The following GET4 variants were observed in gnomAD, a reference collection of about 807,000 sequenced individuals.
GET4 encodes Golgi to ER traffic protein 4 homolog.
Under a neutral mutation model 40.0 loss-of-function variants are expected in GET4, and 20 were observed. The observed-to-expected ratio is 0.50, with a 90% CI of 0.35 to 0.73. The LOEUF is 0.73. Among genes scored for constraint, GET4 ranks in the 30% least tolerant of loss-of-function variants. The probability of loss-of-function intolerance (pLI) is 0.01; values close to 1 mark genes in which losing one functional copy is unlikely to be tolerated. For missense variants in GET4, 557 were observed against 454.0 expected (o/e 1.23, Z -2.06); for synonymous variants, 280 against 194.6 (o/e 1.44, Z -3.65).
At chr7:894,042 C>T (rs1583102720) in intron 8 of GET4, 71 bp downstream of exon 8, 5 of 983,028 alleles carry the variant, frequency 5.1e-6, no homozygotes, top group Non-Finnish European at 7.5e-6. Context: ...TCTGCCCAGG[C>T]AGGTCCAGTG....
intron 4 of GET4, among the ~76,000 whole-genome samples, chr7:888,347 T>G (rs938082637): frequency 1.3e-5 from 2 of 152,180 alleles, no homozygotes; most frequent in South Asian, 4.1e-4. Flanking sequence ...CAGCAGCCCA[T>G]CCGACCTTGT....
At chr7:884,158 TATC>T (rs1300410386) in intron 1 of GET4, 1 of 1,289,142 alleles carries the variant, frequency 7.8e-7, no homozygotes, top group East Asian at 5.6e-5. Context: ...AACGCTGTAG[TATC>T]GGCAAAGCAG....
At chr7:886,673 C>G (rs745848662) in intron 3 of GET4, 23 bp downstream of exon 3, 1 of 1,557,070 alleles carries the variant, frequency 6.4e-7, no homozygotes, top group South Asian at 1.1e-5. Flanking sequence ...CCCTTCACCC[C>G]GGGACCCTGT....
chr7:886,700 C>T (rs750910980), intron 3 of GET4, 50 bp downstream of exon 3: 21 of 1,180,196 alleles, frequency 1.8e-5, no homozygotes, highest in African/African-American at 1.7e-4. Context: ...GGCCCCAGTA[C>T]GCCCCTCCCC....
chr7:886,377 C>A, intron 2 of GET4, 192 bp from the exon 3 acceptor site: 1 of 611,508 alleles, frequency 1.6e-6, no homozygotes, highest in Non-Finnish European at 2.9e-6. Flanking sequence ...TATAAACGTC[C>A]CCGTCCATTT....
intron 8 of GET4, among the ~76,000 whole-genome samples, chr7:894,202 G>A (rs955568580): frequency 1.3e-5 from 2 of 151,914 alleles, no homozygotes; most frequent in African/African-American, 4.9e-5. Context: ...TCCCTGAGGT[G>A]TCTTCCATTT....
In GET4 at chr7:896,256, A is replaced by C. The variant is rs867294929; in HGVS notation, c.*834A>C. ...CTCCGTTCTGTCAGATGCTACTCCA[A>C]ATGTTACCAGAACGATGACAAAAGG... On this transcript the variant is annotated 3_prime_UTR_variant, in exon 9 of 9. Coordinates refer to ENST00000265857, the MANE Select transcript of GET4 (RefSeq NM_015949.3). 3 of 152,362 alleles carry C rather than the reference A, an allele frequency of 2.0e-5. No individual in the cohort carries two copies. Among genetic ancestry groups the C allele is most frequent in the Non-Finnish European group, 2.9e-5 (2 of 68,040 alleles). 9.4% of individuals were successfully genotyped at this position (152,362 alleles called of 1,614,324 possible).
At chr7:894,911 C>T (rs1346147335) in intron 8 of GET4, among the ~76,000 whole-genome samples, 2 of 152,172 alleles carry the variant, frequency 1.3e-5, no homozygotes, top group Non-Finnish European at 2.9e-5. Context: ...TTTGGCACAT[C>T]CAGTTGATTC....
Position 895,439 on chromosome 7 carries a change from G to A in GET4, c.*17G>A, listed in dbSNP as rs775163656. 4 of 1,396,764 alleles carry A rather than the reference G, an allele frequency of 2.9e-6. No homozygotes were observed. The highest frequency in any genetic ancestry group is 3.5e-5 in the Admixed American group (2 of 57,870). 86.5% of individuals were successfully genotyped at this position (1,396,764 alleles called of 1,614,324 possible). A position where few individuals can be genotyped will look rare whatever the true frequency, so the allele number is the denominator to read the frequency against. On this transcript the variant is annotated 3_prime_UTR_variant, in exon 9 of 9. Transcript: ENST00000265857. ...CTGGACTGAACTGGCCAGGCCACGT[G>A]GAGACACCACGGTCGACGACGGCTG...
At chr7:889,004 G>A (rs964411323) in intron 4 of GET4, among the ~76,000 whole-genome samples, 1 of 152,256 alleles carries the variant, frequency 6.6e-6, no homozygotes, top group African/African-American at 2.4e-5. Context: ...GGTGGCGTGG[G>A]ACAGGTGATG....
At chr7:882,296 ACAAGCGTTCC>A (rs1415265359) in intron 1 of GET4, 2 of 152,272 alleles carry the variant, frequency 1.3e-5, no homozygotes, top group Non-Finnish European at 2.9e-5. Context: ...ACCAGCAGGT[ACAAGCGTTCC>A]CAAGAGATGC....
intron 8 of GET4, among the ~76,000 whole-genome samples, chr7:895,058 C>T (rs1439681632): frequency 6.6e-6 from 1 of 151,378 alleles, no homozygotes; most frequent in Non-Finnish European, 1.5e-5. Context: ...CTGTAGGCCC[C>T]CGTGGCTGCT....
intron 1 of GET4, chr7:885,108 C>G (rs973461924): frequency 6.6e-6 from 1 of 152,240 alleles, no homozygotes; most frequent in African/African-American, 2.4e-5. Flanking sequence ...TAGTATTTTT[C>G]TTTAACTAGA....
At position 896,168 on chromosome 7, in the gene GET4, T is replaced by TGAC. The variant is rs1844487486; in HGVS notation, c.*748_*749insCGA. The TGAC allele has an allele frequency of 6.6e-6, 1 of 152,042 alleles. No individual in the cohort carries two copies. The highest frequency in any genetic ancestry group is 1.5e-5 in the Non-Finnish European group (1 of 68,040). 9.4% of individuals were successfully genotyped at this position (152,042 alleles called of 1,614,324 possible). A position where few individuals can be genotyped will look rare whatever the true frequency, so the allele number is the denominator to read the frequency against. ...CGCAATATTTATTTGTATTGGGTGA[T>TGAC]GATTGATTCTTTCGACCTAACATTT... On this transcript the variant is annotated 3_prime_UTR_variant, in exon 9 of 9. Coordinates refer to ENST00000265857, the MANE Select transcript of GET4 (RefSeq NM_015949.3).
At chr7:886,289 G>A in intron 2 of GET4, 155 bp downstream of exon 2, 1 of 625,198 alleles carries the variant, frequency 1.6e-6, no homozygotes, top group Non-Finnish European at 2.8e-6. Flanking sequence ...AGTCCCCCCT[G>A]GCTTGGCTGC....
In GET4 at chr7:878,214, C is replaced by G. The variant is rs144975686; in HGVS notation, c.155+1414C>G. ...TGGGTTAACTGCACGCCCCTCGGGA[C>G]TGTGACCGCTTGGAAGTTCCAGGCT... On this transcript the variant is annotated intron_variant, in intron 1 of 8. Coordinates refer to ENST00000265857, the MANE Select transcript of GET4 (RefSeq NM_015949.3). 513 of 469,638 alleles carry G rather than the reference C, an allele frequency of 1.1e-3. 5 individuals carry two copies. The highest frequency in any genetic ancestry group is 9.1e-3 in the African/African-American group (456 of 50,170). The allele number at this position is 469,638 out of a possible 1,614,324, so 29.1% of individuals were successfully genotyped here.
intron 1 of GET4, chr7:881,960 GATA>G (rs1844095696): frequency 1.3e-5 from 2 of 152,258 alleles, no homozygotes; most frequent in Admixed American, 1.3e-4. Flanking sequence ...GTTTGCGAAG[GATA>G]ATGGCCTCCA....
rs1360876771 is a variant in GET4, at chr7:876,638, CCGGCCCGATGGCGGCGGCGG to C, written c.-3_17del. 19 of 1,253,902 alleles carry C rather than the reference CCGGCCCGATGGCGGCGGCGG, an allele frequency of 1.5e-5. No individual in the cohort carries two copies. The highest frequency in any genetic ancestry group is 1.8e-5 in the Non-Finnish European group (18 of 993,370). The allele number at this position is 1,253,902 out of a possible 1,614,324, so 77.7% of individuals were successfully genotyped here. ...GACAGCGTCAGCCCTGCGCGGAGCG[CCGGCCCGATGGCGGCGGCGG>C]CGGCGATGGCCGAGCAGGAGAGCGC... On this transcript the variant is annotated start_lost and 5_prime_UTR_variant, in exon 1 of 9. Transcript: ENST00000265857.
At chr7:878,983 C>G (rs1233382310) in intron 1 of GET4, among the ~76,000 whole-genome samples, 2 of 152,142 alleles carry the variant, frequency 1.3e-5, no homozygotes, top group East Asian at 3.8e-4. Context: ...GACACCCCCC[C>G]CCGAGTAGAG....
Sources: gnomAD v4.1 joint callset for allele counts (sites outside exome capture counted in the v4.1 genomes callset) on GRCh38, gnomAD v4.1.1 for gene constraint, MANE v1.5 for transcripts, NCBI Gene and HGNC (gene_info 2026-07-23, HGNC 2026-07-21) for gene names.